Variants in NRG3 observed in about 807,000 individuals in gnomAD.
NRG3 encodes the protein pro-neuregulin-3, membrane-bound isoform.
NRG3 carries 31 observed loss-of-function variants against 66.9 expected under a neutral mutation model. The observed-to-expected ratio is 0.46, with a 90% CI of 0.35 to 0.63. The LOEUF (loss-of-function observed/expected upper bound fraction) is 0.63. Among genes scored for constraint, NRG3 ranks in the 20% least tolerant of loss-of-function variants. The pLI is 0.00. For synonymous variants in NRG3, 393 were observed against 359.4 expected (o/e 1.09, Z -1.06); for missense variants, 910 against 878.9 (o/e 1.04, Z -0.45).
At chr10:82,353,864 C>G (rs2083591428) in intron 1 of NRG3, among the ~76,000 whole-genome samples, 1 of 151,990 alleles carries the variant, frequency 6.6e-6, no homozygotes, top group Non-Finnish European at 1.5e-5. Context: ...TTGTTTTCTT[C>G]TCGTTTGTCC....
intron 1 of NRG3, among the ~76,000 whole-genome samples, chr10:81,919,114 T>C (rs1190064056): frequency 6.6e-6 from 1 of 152,196 alleles, no homozygotes; most frequent in African/African-American, 2.4e-5. Flanking sequence ...AACCCATCTG[T>C]TGAATTCTTG....
chr10:81,903,289 A>G (rs1844258103), intron 1 of NRG3, among the ~76,000 whole-genome samples: 1 of 152,110 alleles, frequency 6.6e-6, no homozygotes, highest in South Asian at 2.1e-4. Context: ...ACAGCATGTA[A>G]TTGTATCTCA....
chr10:81,931,656 T>C (rs1372926148), intron 1 of NRG3, among the ~76,000 whole-genome samples: 1 of 152,202 alleles, frequency 6.6e-6, no homozygotes, highest in Non-Finnish European at 1.5e-5. Context: ...ACACCCACAC[T>C]CTTTTTACTA....
At chr10:82,863,317 A>G (rs1344482841) in intron 3 of NRG3, among the ~76,000 whole-genome samples, 1 of 152,224 alleles carries the variant, frequency 6.6e-6, no homozygotes, top group Non-Finnish European at 1.5e-5. Flanking sequence ...GATGAAATGA[A>G]CATACATTTG....
At chr10:82,053,862 T>C (rs2063713442) in intron 1 of NRG3, among the ~76,000 whole-genome samples, 1 of 152,170 alleles carries the variant, frequency 6.6e-6, no homozygotes, top group South Asian at 2.1e-4. Flanking sequence ...TGAGCAATTA[T>C]TTGAATGAGG....
At chr10:82,590,418 C>G (rs1298799029) in intron 2 of NRG3, among the ~76,000 whole-genome samples, 6 of 152,124 alleles carry the variant, frequency 3.9e-5, no homozygotes, top group Non-Finnish European at 8.8e-5. Context: ...CTAGGTGGAG[C>G]AGAGGTACTA....
intron 1 of NRG3, among the ~76,000 whole-genome samples, chr10:82,285,727 A>G (rs2079383063): frequency 6.6e-6 from 1 of 152,172 alleles, no homozygotes; most frequent in African/African-American, 2.4e-5. Flanking sequence ...TCTTCTCAAG[A>G]GCATGCTTTC....
intron 1 of NRG3, 133 bp downstream of exon 1, chr10:81,876,296 T>A: frequency 7.8e-7 from 1 of 1,284,928 alleles, no homozygotes; most frequent in Non-Finnish European, 1.0e-6. Context: ...GAGTGAGAGC[T>A]GATTAAAACT....
At chr10:82,606,981 A>C (rs759499320) in intron 2 of NRG3, among the ~76,000 whole-genome samples, 16 of 151,998 alleles carry the variant, frequency 1.1e-4, no homozygotes, top group Non-Finnish European at 1.8e-4. Context: ...CCCCTTAAAA[A>C]ACCCATCCCC....
intron 3 of NRG3, among the ~76,000 whole-genome samples, chr10:82,816,363 C>G (rs537159637): frequency 7.2e-5 from 11 of 152,258 alleles, no homozygotes; most frequent in Non-Finnish European, 1.2e-4. Flanking sequence ...GTGGGTAGCT[C>G]CTTTCCGCAG....
At chr10:82,040,650 G>T (rs1474519694) in intron 1 of NRG3, among the ~76,000 whole-genome samples, 1 of 151,944 alleles carries the variant, frequency 6.6e-6, no homozygotes. Context: ...CCACAGAGAT[G>T]CATGGAGAAG....
chr10:82,190,975 C>T lies in NRG3; in HGVS notation c.824-167764C>T, dbSNP rs570939484. 5.3e-5 allele frequency among the ~76,000 whole-genome samples: 8 copies of T among 152,194 alleles called. No homozygotes were observed. The South Asian group carries it at 1.7e-3, about 32-fold the overall frequency. On this transcript the variant is annotated intron_variant, in intron 1 of 8. Transcript: ENST00000372141. Reference sequence around the variant, plus strand: ...GTATGCTTCGTAAGACTGAGAATCTCCTTCCTACAACTCCCCACCTCAGGA... The same window carrying T: ...GTATGCTTCGTAAGACTGAGAATCTTCTTCCTACAACTCCCCACCTCAGGA...
chr10:82,416,555 A>G (rs1232132866), intron 2 of NRG3, among the ~76,000 whole-genome samples: 1 of 152,160 alleles, frequency 6.6e-6, no homozygotes, highest in African/African-American at 2.4e-5. Flanking sequence ...TTTGGGCCCT[A>G]AGGATGAAAC....
At chr10:82,182,137 G>C (rs1019980325) in intron 1 of NRG3, among the ~76,000 whole-genome samples, 1 of 149,540 alleles carries the variant, frequency 6.7e-6, no homozygotes, top group Non-Finnish European at 1.5e-5. Context: ...CAACAAATTT[G>C]TCCTTAAATC....
chr10:82,587,103 T>A (rs2046720955), intron 2 of NRG3, among the ~76,000 whole-genome samples: 1 of 152,160 alleles, frequency 6.6e-6, no homozygotes, highest in East Asian at 1.9e-4. Context: ...GTGATTTGCC[T>A]TATTCATGCT....
intron 2 of NRG3, among the ~76,000 whole-genome samples, chr10:82,721,430 G>A (rs183138007): frequency 0.012 from 1,533 of 130,102 alleles, 22 homozygotes; most frequent in African/African-American, 0.043. Context: ...GAGCCACCGC[G>A]CCCGGCCTTG....
chr10:82,183,598 G>A (rs569847437), intron 1 of NRG3, among the ~76,000 whole-genome samples: 1 of 152,136 alleles, frequency 6.6e-6, no homozygotes, highest in South Asian at 2.1e-4. Flanking sequence ...GATCAAACAA[G>A]ATATTTAATA....
intron 3 of NRG3, among the ~76,000 whole-genome samples, chr10:82,842,015 G>C (rs2088580288): frequency 6.6e-6 from 1 of 152,086 alleles, no homozygotes; most frequent in African/African-American, 2.4e-5. Flanking sequence ...AGGGCTGCAG[G>C]ATAATTTTAA....
At chr10:82,764,693 T>TA (rs761082293) in intron 3 of NRG3, among the ~76,000 whole-genome samples, 49 of 152,270 alleles carry the variant, frequency 3.2e-4, no homozygotes, top group Middle Eastern at 3.4e-3. Context: ...AAAAAATTTT[T>TA]AAAAAAGATA....
Sources: allele counts gnomAD v4.1 joint callset (sites outside exome capture counted in the v4.1 genomes callset), GRCh38; gene constraint gnomAD v4.1.1; transcripts MANE v1.5; gene names NCBI Gene and HGNC (gene_info 2026-07-23, HGNC 2026-07-21).